PCDHGB1: variants seen among roughly 807,000 people sequenced by gnomAD.
The protein encoded by PCDHGB1 is protocadherin gamma subfamily B, 1.
Under a neutral mutation model 56.6 loss-of-function variants are expected in PCDHGB1, and 34 were observed. The ratio of observed to expected loss-of-function variants is 0.60; its 90% CI spans 0.46 to 0.80. The LOEUF (loss-of-function observed/expected upper bound fraction) is 0.80. Ranked by LOEUF, PCDHGB1 falls within the 30% of genes least tolerant of loss-of-function variation. The pLI is 0.00. For synonymous variants in PCDHGB1, 561 were observed against 505.9 expected (o/e 1.11, Z -1.46); for missense variants, 1,278 against 1,204.6 (o/e 1.06, Z -0.90).
intron 1 of PCDHGB1, chr5:141,423,469 C>G: frequency 3.1e-6 from 5 of 1,613,948 alleles, no homozygotes; most frequent in Non-Finnish European, 4.2e-6. Flanking sequence ...GGACGGGGTA[C>G]AGGCTTTCCT....
chr5:141,364,913 G>A (rs1337882112), intron 1 of PCDHGB1: 2 of 1,613,990 alleles, frequency 1.2e-6, no homozygotes, highest in South Asian at 2.2e-5. Context: ...TCCGGAGCTG[G>A]TGTTGGAACA....
Position 141,511,410 on chromosome 5 carries a change from T to TA in PCDHGB1, c.*238dup. On this transcript the variant is annotated 3_prime_UTR_variant, in exon 4 of 4. Coordinates refer to ENST00000523390, the MANE Select transcript of PCDHGB1 (RefSeq NM_018922.3). ...GGAACCCCCATCCAATCAACTGCTG[T>TA]ACCCATGGGGGTAGTGGGGTTACTG... The TA allele has an allele frequency of 1.1e-6, 1 of 908,822 alleles. No homozygotes were observed. The highest frequency in any genetic ancestry group is 1.6e-6 in the Non-Finnish European group (1 of 624,204). 56.3% of individuals were successfully genotyped at this position (908,822 alleles called of 1,614,324 possible).
intron 1 of PCDHGB1, among the ~76,000 whole-genome samples, chr5:141,438,002 A>G (rs200179547): frequency 1.3e-5 from 2 of 152,072 alleles, no homozygotes; most frequent in East Asian, 1.9e-4. Flanking sequence ...CAGCCTCCCA[A>G]ATAGCTGAGA....
At chr5:141,388,939 A>G in intron 1 of PCDHGB1, 1 of 1,613,984 alleles carries the variant, frequency 6.2e-7, no homozygotes, top group Non-Finnish European at 8.5e-7. Flanking sequence ...TCTCTACCCA[A>G]CCTAATTATG....
At chr5:141,509,551 C>T (rs2099877337) in intron 3 of PCDHGB1, among the ~76,000 whole-genome samples, 1 of 152,164 alleles carries the variant, frequency 6.6e-6, no homozygotes, top group South Asian at 2.1e-4. Context: ...CTCATTTAGT[C>T]CTCACAGCAG....
chr5:141,361,424 C>A (rs1231481755), intron 1 of PCDHGB1: 1 of 1,613,912 alleles, frequency 6.2e-7, no homozygotes, highest in East Asian at 2.2e-5. Flanking sequence ...GGGGGCAAGC[C>A]GCCCCTCTCC....
intron 1 of PCDHGB1, chr5:141,409,921 G>T (rs767370997): frequency 6.2e-7 from 1 of 1,613,404 alleles, no homozygotes; most frequent in Admixed American, 1.7e-5. Context: ...ACGGCTCCGC[G>T]TTCTTCGATA....
Position 141,408,306 on chromosome 5 carries a change from A to C in PCDHGB1, c.2409+55637A>C, listed in dbSNP as rs866086431. On this transcript the variant is annotated intron_variant, in intron 1 of 3. Transcript: ENST00000523390. Reference sequence around the variant, plus strand: ...CCCACCCTGAGTGAGCCGATCCGCTACTCGATTCCGGAGGAGCTGGCCAAG... The same window carrying C: ...CCCACCCTGAGTGAGCCGATCCGCTCCTCGATTCCGGAGGAGCTGGCCAAG... The C allele has an allele frequency of 1.2e-6, 2 of 1,613,586 alleles. No homozygotes were observed. Among genetic ancestry groups the C allele is most frequent in the South Asian group, 1.1e-5 (1 of 91,062 alleles).
intron 1 of PCDHGB1, chr5:141,375,578 G>A (rs2150062565): frequency 1.9e-6 from 3 of 1,614,062 alleles, no homozygotes; most frequent in Non-Finnish European, 2.5e-6. Context: ...CCTCCAGGGG[G>A]CGCCCCTGTC....
rs777121812 is a variant in PCDHGB1, at chr5:141,355,953, T to C, written c.2409+3284T>C. ...CTCAGCCCGAGTACCACGTAAGTGT[T>C]CGTGAGAACGTTCCTGTAGGCACTC... On this transcript the variant is annotated intron_variant, in intron 1 of 3. Transcript: ENST00000523390. 1.4e-5 allele frequency: 22 copies of C among 1,613,776 alleles called. No individual in the cohort carries two copies. The African/African-American group carries it at 2.9e-4, about 22-fold the overall frequency.
At chr5:141,418,755 G>A (rs1489556538) in intron 1 of PCDHGB1, 8 of 1,613,898 alleles carry the variant, frequency 5.0e-6, no homozygotes, top group South Asian at 1.1e-5. Context: ...TACACTACAG[G>A]AAACATTCTA....
intron 1 of PCDHGB1, chr5:141,382,669 G>GT (rs1778360255): frequency 2.3e-6 from 1 of 433,228 alleles, no homozygotes. Context: ...CAGCGCCGCT[G>GT]TTCACCAACC....
In PCDHGB1 at chr5:141,408,993, T is replaced by G. The variant is rs1258002192; in HGVS notation, c.2409+56324T>G. The G allele has an allele frequency of 1.2e-6, 2 of 1,613,814 alleles. No homozygotes were observed. The highest frequency in any genetic ancestry group is 2.7e-5 in the African/African-American group (2 of 74,912). On this transcript the variant is annotated intron_variant, in intron 1 of 3. Transcript: ENST00000523390. Reference sequence around the variant, plus strand: ...CCCCCTGGGTCCCCTGTGTTGCAAGTGACAGCCACTGACCAGGATGAGGGG... The same window carrying G: ...CCCCCTGGGTCCCCTGTGTTGCAAGGGACAGCCACTGACCAGGATGAGGGG...
intron 1 of PCDHGB1, chr5:141,478,160 G>GC (rs764598056): frequency 3.7e-6 from 6 of 1,613,948 alleles, no homozygotes. Flanking sequence ...CTCTGGCTCT[G>GC]CCCCCCGGGA....
intron 1 of PCDHGB1, chr5:141,416,530 G>C (rs976560428): frequency 6.6e-6 from 1 of 152,160 alleles, no homozygotes; most frequent in Non-Finnish European, 1.5e-5. Context: ...GCTCTTTAAT[G>C]TATAAGGAGG....
At chr5:141,365,465 A>G in intron 1 of PCDHGB1, 1 of 1,614,024 alleles carries the variant, frequency 6.2e-7, no homozygotes, top group South Asian at 1.1e-5. Context: ...TTCTGGAGAA[A>G]ATGGTGAGAT....
intron 1 of PCDHGB1, chr5:141,417,664 C>T: frequency 1.1e-6 from 1 of 911,118 alleles, no homozygotes; most frequent in Non-Finnish European, 1.6e-6. Context: ...CTGGGATTCC[C>T]TGCGCAGCCA....
chr5:141,450,908 G>A (rs1248622378), intron 1 of PCDHGB1, among the ~76,000 whole-genome samples: 12 of 147,640 alleles, frequency 8.1e-5, no homozygotes, highest in East Asian at 6.0e-4. Flanking sequence ...CACTGCAACC[G>A]CTGCCTCCCA....
intron 1 of PCDHGB1, chr5:141,423,189 T>A (rs2096719374): frequency 1.2e-6 from 2 of 1,613,562 alleles, no homozygotes; most frequent in Non-Finnish European, 8.5e-7. Flanking sequence ...GCCAGCCCCC[T>A]CTCTCGGCCA....
Sources: allele counts gnomAD v4.1 joint callset (sites outside exome capture counted in the v4.1 genomes callset), GRCh38; gene constraint gnomAD v4.1.1; transcripts MANE v1.5; gene names NCBI Gene and HGNC (gene_info 2026-07-23, HGNC 2026-07-21).